The following NRXN3 variants were observed in gnomAD, a reference collection of about 807,000 sequenced individuals.
The protein encoded by NRXN3 is neurexin 3, also known as neurexin III.
NRXN3 carries 32 observed loss-of-function variants against 137.6 expected under a neutral mutation model. The observed-to-expected ratio is 0.23, with a 90% confidence interval of 0.18 to 0.31. The LOEUF (loss-of-function observed/expected upper bound fraction) is 0.31, where lower values mean the gene tolerates loss of function less well. NRXN3 is among the 10% of genes least tolerant of loss of function. NRXN3 has a pLI of 1.00. For missense variants in NRXN3, 1,574 were observed against 2,062.5 expected (o/e 0.76, Z 4.59); for synonymous variants, 798 against 784.5 (o/e 1.02, Z -0.29).
intron 4 of NRXN3, among the ~76,000 whole-genome samples, chr14:78,524,789 C>T (rs2096351917): frequency 6.6e-6 from 1 of 152,102 alleles, no homozygotes; most frequent in Non-Finnish European, 1.5e-5. Context: ...ACTTGAACTC[C>T]ACCTGGACCT....
At chr14:79,540,434 C>G (rs2097261779) in intron 16 of NRXN3, among the ~76,000 whole-genome samples, 2 of 152,094 alleles carry the variant, frequency 1.3e-5, no homozygotes, top group Admixed American at 1.3e-4. Context: ...TGAGAGCATT[C>G]AAAATCTTCT....
At chr14:79,076,295 G>A (rs1358145476) in intron 15 of NRXN3, among the ~76,000 whole-genome samples, 1 of 152,180 alleles carries the variant, frequency 6.6e-6, no homozygotes, top group Non-Finnish European at 1.5e-5. Flanking sequence ...CCAAAACGTA[G>A]CAGCTCAAAA....
intron 1 of NRXN3, among the ~76,000 whole-genome samples, chr14:78,230,584 G>C (rs1382202400): frequency 1.3e-5 from 2 of 152,134 alleles, no homozygotes; most frequent in African/African-American, 2.4e-5. Flanking sequence ...ACTGGAGTGT[G>C]GGGACCCAGA....
chr14:79,051,759 A>C (rs1026144807), intron 15 of NRXN3, among the ~76,000 whole-genome samples: 1 of 152,204 alleles, frequency 6.6e-6, no homozygotes, highest in African/African-American at 2.4e-5. Flanking sequence ...CAAGGTTTGG[A>C]GAGAGAGCAG....
intron 16 of NRXN3, among the ~76,000 whole-genome samples, chr14:79,617,777 G>A (rs1398171570): frequency 6.6e-6 from 1 of 152,060 alleles, no homozygotes; most frequent in Non-Finnish European, 1.5e-5. Context: ...TCAATCTCCT[G>A]TTTACTGAGT....
At chr14:79,815,083 T>G (rs1442765272) in intron 20 of NRXN3, among the ~76,000 whole-genome samples, 1 of 152,184 alleles carries the variant, frequency 6.6e-6, no homozygotes, top group Non-Finnish European at 1.5e-5. Flanking sequence ...GAACACGACA[T>G]ACATAATAGC....
chr14:78,938,077 A>G (rs532945860), intron 10 of NRXN3, among the ~76,000 whole-genome samples: 21 of 152,364 alleles, frequency 1.4e-4, no homozygotes, highest in Admixed American at 7.8e-4. Context: ...ATTAATCTTC[A>G]TGGAATTAAA....
chr14:78,859,133 C>T (rs1158378246), intron 10 of NRXN3, among the ~76,000 whole-genome samples: 17 of 152,134 alleles, frequency 1.1e-4, no homozygotes, highest in Admixed American at 1.1e-3. Context: ...AAGTGTCTGG[C>T]ATTTCCCCTG....
intron 15 of NRXN3, among the ~76,000 whole-genome samples, chr14:79,394,777 C>T (rs940287667): frequency 6.6e-6 from 1 of 152,004 alleles, no homozygotes; most frequent in Non-Finnish European, 1.5e-5. Context: ...AATTACTGTC[C>T]ATTTAATATT....
intron 15 of NRXN3, among the ~76,000 whole-genome samples, chr14:79,412,013 G>A (rs1203158648): frequency 1.3e-5 from 2 of 152,256 alleles, no homozygotes; most frequent in Admixed American, 6.5e-5. Flanking sequence ...TGCCACTGTA[G>A]GGAGTAGTAT....
intron 1 of NRXN3, among the ~76,000 whole-genome samples, chr14:78,183,671 T>A (rs781643120): frequency 6.6e-6 from 1 of 152,224 alleles, no homozygotes; most frequent in Non-Finnish European, 1.5e-5. Context: ...CTCTATGTTC[T>A]GACTGAAATC....
intron 15 of NRXN3, among the ~76,000 whole-genome samples, chr14:79,388,621 G>A (rs554001977): frequency 6.6e-6 from 1 of 152,130 alleles, no homozygotes; most frequent in South Asian, 2.1e-4. Context: ...ACTCATGCTA[G>A]ATCTCGGTTC....
At chr14:79,796,467 CT>C (rs2099161224) in intron 19 of NRXN3, among the ~76,000 whole-genome samples, 2 of 152,246 alleles carry the variant, frequency 1.3e-5, no homozygotes, top group Admixed American at 1.3e-4. Context: ...CCTCCCTCCC[CT>C]CTCTCTTGAT....
chr14:78,435,419 G>A (rs1445658469), intron 4 of NRXN3, among the ~76,000 whole-genome samples: 1 of 152,066 alleles, frequency 6.6e-6, no homozygotes, highest in African/African-American at 2.4e-5. Flanking sequence ...AAAGCTTCAG[G>A]GCTGTGGCTG....
At chr14:78,368,249 T>G (rs1160694315) in intron 4 of NRXN3, among the ~76,000 whole-genome samples, 1 of 152,200 alleles carries the variant, frequency 6.6e-6, no homozygotes, top group Non-Finnish European at 1.5e-5. Context: ...CAAGAGCATT[T>G]AAAAACAATG....
intron 4 of NRXN3, among the ~76,000 whole-genome samples, chr14:78,370,082 T>G (rs2086581425): frequency 6.6e-6 from 1 of 152,174 alleles, no homozygotes; most frequent in Non-Finnish European, 1.5e-5. Flanking sequence ...ACTGAAGATC[T>G]GTCATAGTCA....
intron 4 of NRXN3, among the ~76,000 whole-genome samples, chr14:78,388,458 G>A (rs905160113): frequency 6.6e-6 from 1 of 152,080 alleles, no homozygotes; most frequent in Admixed American, 6.6e-5. Context: ...CATTAAAAAC[G>A]TTTTAATAAG....
At chr14:78,485,796 A>C (rs545742431) in intron 4 of NRXN3, among the ~76,000 whole-genome samples, 2 of 152,240 alleles carry the variant, frequency 1.3e-5, no homozygotes, top group Non-Finnish European at 2.9e-5. Context: ...TAACCTTTGA[A>C]TGTTAACACT....
intron 4 of NRXN3, among the ~76,000 whole-genome samples, chr14:78,347,155 C>T (rs192971922): frequency 1.6e-3 from 243 of 152,304 alleles, no homozygotes; most frequent in African/African-American, 5.1e-3. Context: ...GCGACAAATG[C>T]GGATGCTGGG....
Sources: allele counts gnomAD v4.1 joint callset (sites outside exome capture counted in the v4.1 genomes callset), GRCh38; gene constraint gnomAD v4.1.1; transcripts MANE v1.5; gene names NCBI Gene and HGNC (gene_info 2026-07-23, HGNC 2026-07-21).